Variants in UBOX5 observed in about 807,000 individuals in gnomAD.
UBOX5 encodes the protein U-box domain containing 5, also known as RING finger protein 37.
In UBOX5, 28 loss-of-function variants were observed where a neutral mutation model predicts 39.0. The ratio of observed to expected loss-of-function variants is 0.72; its 90% CI spans 0.53 to 0.98. The LOEUF (loss-of-function observed/expected upper bound fraction) is 0.98. Ranked by LOEUF, UBOX5 falls within the 50% of genes least tolerant of loss-of-function variation. The probability of loss-of-function intolerance (pLI) is 0.00; values close to 1 mark genes in which losing one functional copy is unlikely to be tolerated. For missense variants in UBOX5, 585 were observed against 674.4 expected, an observed-to-expected ratio of 0.87 and a Z score of 1.47; for synonymous variants, 283 against 275.5, an observed-to-expected ratio of 1.03 and a Z score of -0.27.
chr20:3,157,121 G>A (rs142312933), intron 1 of UBOX5, among the ~76,000 whole-genome samples: 94 of 152,190 alleles, frequency 6.2e-4, no homozygotes, highest in Middle Eastern at 6.8e-3. Flanking sequence ...CAAAAAAACC[G>A]AACTTTCTCT....
chr20:3,117,326 C>G (rs2066301510), intron 3 of UBOX5, among the ~76,000 whole-genome samples: 1 of 143,530 alleles, frequency 7.0e-6, no homozygotes, highest in Non-Finnish European at 1.5e-5. Context: ...CACACACACA[C>G]ACTACAGTCC....
chr20:3,143,265 G>A (rs1397966468), intron 1 of UBOX5, among the ~76,000 whole-genome samples: 3 of 151,658 alleles, frequency 2.0e-5, no homozygotes, highest in Non-Finnish European at 4.4e-5. Flanking sequence ...ACCACATCTG[G>A]CTAATTTTTG....
chr20:3,109,761 C>A lies in UBOX5; in HGVS notation c.*345G>T. ...GGGCCACAATCTAGGGTGAGCCACC[C>A]ACAGTGCCCTGCTGGACAGGGGGGT... On this transcript the variant is annotated 3_prime_UTR_variant, in exon 5 of 5. Coordinates refer to ENST00000217173, the MANE Select transcript of UBOX5 (RefSeq NM_014948.4). 1 of 331,762 alleles carries A rather than the reference C, an allele frequency of 3.0e-6. No individual in the cohort carries two copies. The highest frequency in any genetic ancestry group is 5.8e-6 in the Non-Finnish European group (1 of 172,644). 20.6% of individuals were successfully genotyped at this position (331,762 alleles called of 1,614,324 possible). A position where few individuals can be genotyped will look rare whatever the true frequency, so the allele number is the denominator to read the frequency against.
intron 1 of UBOX5, among the ~76,000 whole-genome samples, chr20:3,133,203 T>A (rs1262032976): frequency 6.6e-6 from 1 of 152,162 alleles, no homozygotes; most frequent in African/African-American, 2.4e-5. Flanking sequence ...TTAATAGGTA[T>A]AATCTCATCA....
At chr20:3,130,717 TTACTA>T (rs2066422930) in intron 1 of UBOX5, among the ~76,000 whole-genome samples, 1 of 152,136 alleles carries the variant, frequency 6.6e-6, no homozygotes, top group Non-Finnish European at 1.5e-5. Context: ...TTTGGTATCT[TTACTA>T]TATGTTCAGC....
At chr20:3,118,933 C>T (rs1243009255) in intron 3 of UBOX5, among the ~76,000 whole-genome samples, 1 of 151,452 alleles carries the variant, frequency 6.6e-6, no homozygotes, top group Non-Finnish European at 1.5e-5. Context: ...AGTGAGACTC[C>T]ATCTCAAAAA....
chr20:3,123,054 G>C (rs915986668), intron 2 of UBOX5, among the ~76,000 whole-genome samples: 3 of 152,168 alleles, frequency 2.0e-5, no homozygotes, highest in African/African-American at 7.2e-5. Context: ...GACGAGACTG[G>C]AGATTGATCA....
intron 1 of UBOX5, among the ~76,000 whole-genome samples, chr20:3,153,702 T>G (rs75284918): frequency 6.6e-6 from 1 of 152,200 alleles, no homozygotes; most frequent in Non-Finnish European, 1.5e-5. Context: ...TGAAAGTCCC[T>G]TCCACCTCTA....
At chr20:3,152,285 G>A (rs1029196201) in intron 1 of UBOX5, among the ~76,000 whole-genome samples, 1 of 151,438 alleles carries the variant, frequency 6.6e-6, no homozygotes, top group African/African-American at 2.4e-5. Flanking sequence ...TTCGAGACCA[G>A]CCTGGCCAAC....
At chr20:3,112,587 G>GT (rs2066261925) in intron 4 of UBOX5, among the ~76,000 whole-genome samples, 1 of 152,144 alleles carries the variant, frequency 6.6e-6, no homozygotes, top group South Asian at 2.1e-4. Flanking sequence ...AGGAAGAGCT[G>GT]TGAGAATAAA....
At chr20:3,156,024 GAC>G (rs1188293897) in intron 1 of UBOX5, among the ~76,000 whole-genome samples, 1 of 152,196 alleles carries the variant, frequency 6.6e-6, no homozygotes, top group Non-Finnish European at 1.5e-5. Flanking sequence ...AGGGAGAAAA[GAC>G]ACTGCAAAGA....
chr20:3,147,084 C>T, intron 1 of UBOX5: 1 of 1,614,156 alleles, frequency 6.2e-7, no homozygotes, highest in Non-Finnish European at 8.5e-7. Flanking sequence ...CCCAGAGGTA[C>T]AGCTGCCTTA....
chr20:3,109,176 A>T lies in UBOX5; in HGVS notation c.*930T>A, dbSNP rs964035480. On this transcript the variant is annotated 3_prime_UTR_variant, in exon 5 of 5. Transcript: ENST00000217173. Reference sequence around the variant, plus strand: ...TCACTGAGGTTCTTCTAGTGGCTGGAATCTGATAGAGTACCAAGTTGTAGG... The same window carrying T: ...TCACTGAGGTTCTTCTAGTGGCTGGTATCTGATAGAGTACCAAGTTGTAGG... 1 of 152,278 alleles carries T rather than the reference A, an allele frequency of 6.6e-6. No individual in the cohort carries two copies. Among genetic ancestry groups the T allele is most frequent in the South Asian group, 2.1e-4 (1 of 4,820 alleles). The allele number at this position is 152,278 out of a possible 1,614,324, so 9.4% of individuals were successfully genotyped here.
At chr20:3,144,466 T>C (rs1052518770) in intron 1 of UBOX5, among the ~76,000 whole-genome samples, 3 of 152,180 alleles carry the variant, frequency 2.0e-5, no homozygotes, top group Admixed American at 6.6e-5. Flanking sequence ...TCCCTCATGC[T>C]ACATATAAAA....
chr20:3,111,555 CT>C (rs947922236), intron 4 of UBOX5: 1 of 152,470 alleles, frequency 6.6e-6, no homozygotes, highest in African/African-American at 2.4e-5. Flanking sequence ...CCAGTCTCAA[CT>C]TTTAGAGTCC....
intron 1 of UBOX5, among the ~76,000 whole-genome samples, chr20:3,135,147 A>T (rs774066240): frequency 9.9e-5 from 15 of 152,272 alleles, no homozygotes; most frequent in Admixed American, 1.3e-4. Flanking sequence ...GATAAAAAAA[A>T]TTTTTTTAAA....
intron 1 of UBOX5, among the ~76,000 whole-genome samples, chr20:3,124,940 A>C (rs1300783377): frequency 7.0e-6 from 1 of 141,912 alleles, no homozygotes. Flanking sequence ...CTGGGAAGCG[A>C]GGAGCGCTGC....
intron 1 of UBOX5, chr20:3,147,466 A>G: frequency 6.2e-7 from 1 of 1,614,202 alleles, no homozygotes; most frequent in Non-Finnish European, 8.5e-7. Flanking sequence ...GCTGAAGGTG[A>G]GTACTAAGAC....
At chr20:3,148,410 A>G (rs771929207) in intron 1 of UBOX5, 1 of 1,614,154 alleles carries the variant, frequency 6.2e-7, no homozygotes, top group East Asian at 2.2e-5. Flanking sequence ...ATTGAATGGG[A>G]GTGAGGGATT....
Sources: allele counts gnomAD v4.1 joint callset (sites outside exome capture counted in the v4.1 genomes callset), GRCh38; gene constraint gnomAD v4.1.1; transcripts MANE v1.5; gene names NCBI Gene and HGNC (gene_info 2026-07-23, HGNC 2026-07-21).